NCKAP5: variants seen among roughly 807,000 people sequenced by gnomAD.
The protein encoded by NCKAP5 is nck-associated protein 5.
Under a neutral mutation model 167.0 loss-of-function variants are expected in NCKAP5, and 92 were observed. The observed-to-expected ratio is 0.55, with a 90% CI of 0.47 to 0.66. The LOEUF (loss-of-function observed/expected upper bound fraction) is 0.66. Ranked by LOEUF, NCKAP5 falls within the 30% of genes least tolerant of loss-of-function variation. The pLI is 0.00. For missense variants in NCKAP5, 2,378 were observed against 2,315.0 expected, an observed-to-expected ratio of 1.03 and a Z score of -0.56; for synonymous variants, 891 against 877.4, an observed-to-expected ratio of 1.02 and a Z score of -0.27.
rs1683033425 is a variant in NCKAP5 at position 133,506,630 on chromosome 2, C to T, written c.69+10828G>A. Among the ~76,000 whole-genome samples the T allele has an allele frequency of 3.9e-5, 6 of 152,198 alleles. No homozygotes were observed. The South Asian group carries it at 1.2e-3, about 31-fold the overall frequency. Reference sequence around the variant, plus strand: ...GTGGCATTTCCCGCCAAATGGTTCACTCCTTATAGCCACATGGTTCTATAG... The same window carrying T: ...GTGGCATTTCCCGCCAAATGGTTCATTCCTTATAGCCACATGGTTCTATAG... On this transcript the variant is annotated intron_variant, in intron 3 of 19. Coordinates refer to ENST00000409261, the MANE Select transcript of NCKAP5 (RefSeq NM_207363.3).
intron 4 of NCKAP5, chr2:133,267,381 G>C (rs1007552849): frequency 1.3e-5 from 2 of 152,214 alleles, no homozygotes; most frequent in African/African-American, 4.8e-5. Context: ...TCATGGAGCT[G>C]ACCCAGAGAC....
chr2:133,271,424 T>C (rs1043417589), intron 4 of NCKAP5, among the ~76,000 whole-genome samples: 13 of 152,148 alleles, frequency 8.5e-5, no homozygotes, highest in African/African-American at 2.9e-4. Flanking sequence ...TTTCTCCTTA[T>C]GTGATGCTGT....
At chr2:133,455,334 T>C (rs555087250) in intron 3 of NCKAP5, among the ~76,000 whole-genome samples, 6 of 152,282 alleles carry the variant, frequency 3.9e-5, no homozygotes, top group African/African-American at 1.4e-4. Flanking sequence ...AATAAAATTA[T>C]GGCTTTCCTC....
chr2:132,943,908 G>A (rs1157626844), intron 8 of NCKAP5, among the ~76,000 whole-genome samples: 2 of 152,226 alleles, frequency 1.3e-5, no homozygotes, highest in African/African-American at 4.8e-5. Context: ...CCTGGGGCTG[G>A]GTGAAGTGTG....
intron 6 of NCKAP5, among the ~76,000 whole-genome samples, chr2:133,075,889 C>T (rs1372610717): frequency 6.6e-6 from 1 of 151,912 alleles, no homozygotes; most frequent in East Asian, 1.9e-4. Flanking sequence ...AATAAATGGT[C>T]AAACTACAAT....
At chr2:133,555,953 T>A (rs1469381815) in intron 2 of NCKAP5, among the ~76,000 whole-genome samples, 2 of 152,190 alleles carry the variant, frequency 1.3e-5, no homozygotes, top group Non-Finnish European at 2.9e-5. Flanking sequence ...TGCATAAAGT[T>A]ATAATTAAAC....
At chr2:132,995,693 G>T (rs1028414116) in intron 6 of NCKAP5, among the ~76,000 whole-genome samples, 4 of 151,614 alleles carry the variant, frequency 2.6e-5, no homozygotes, top group Non-Finnish European at 4.4e-5. Context: ...AAACATTTTT[G>T]TCTGGGCACG....
chr2:132,988,302 A>C (rs1454247310), intron 7 of NCKAP5, among the ~76,000 whole-genome samples: 1 of 152,046 alleles, frequency 6.6e-6, no homozygotes, highest in Non-Finnish European at 1.5e-5. Context: ...TCTCTACTTA[A>C]ATATAAAAAA....
chr2:133,195,974 C>T lies in NCKAP5; in HGVS notation c.207+17742G>A, dbSNP rs1481569748. Among the ~76,000 whole-genome samples, 2 of 152,092 alleles carry T rather than the reference C, an allele frequency of 1.3e-5. 1 individual carries two copies. Among genetic ancestry groups the T allele is most frequent in the African/African-American group, 4.8e-5 (2 of 41,410 alleles). On this transcript the variant is annotated intron_variant, in intron 5 of 19. Coordinates refer to ENST00000409261, the MANE Select transcript of NCKAP5 (RefSeq NM_207363.3). ...AACCCAGGAATGGATTCCCCGGCCA[C>T]CCAGCACCCACAAGGAAATAAAGAG...
intron 9 of NCKAP5, among the ~76,000 whole-genome samples, chr2:132,875,494 C>T (rs1415472077): frequency 6.6e-6 from 1 of 152,186 alleles, no homozygotes; most frequent in Non-Finnish European, 1.5e-5. Context: ...CTTCTCCTGC[C>T]AGGCTGGGAG....
chr2:132,822,303 C>T lies in NCKAP5; in HGVS notation c.808-25574G>A, dbSNP rs1047363744. Among the ~76,000 whole-genome samples the T allele has an allele frequency of 3.9e-5, 6 of 152,356 alleles. No individual in the cohort carries two copies. In the South Asian group the frequency reaches 1.2e-3, roughly 32 times the overall value. On this transcript the variant is annotated intron_variant, in intron 11 of 19. Coordinates refer to ENST00000409261, the MANE Select transcript of NCKAP5 (RefSeq NM_207363.3). The stretch of plus-strand genomic sequence containing the variant: ...TAACCATGGACACTTACAGAGTCCA[C>T]TTCACTCCCCTGCCACCTCTACCAG...
Position 133,517,558 on chromosome 2 carries a change from A to T in NCKAP5, c.-32T>A. 7.1e-7 allele frequency: 1 copy of T among 1,407,736 alleles called. No homozygotes were observed. Among genetic ancestry groups the T allele is most frequent in the Non-Finnish European group, 9.6e-7 (1 of 1,039,236 alleles). 87.2% of individuals were successfully genotyped at this position (1,407,736 alleles called of 1,614,324 possible). On this transcript the variant is annotated 5_prime_UTR_variant, in exon 3 of 20. Transcript: ENST00000409261. ...AGTTATTTATTTTCTTTTGTGACTT[A>T]TAAGAATCCCCCGTCTGTTTCCAGG...
At chr2:133,615,371 C>A in the NCKAP5 span, among the ~76,000 whole-genome samples, 1 of 151,710 alleles carries the variant, frequency 6.6e-6, no homozygotes, top group Admixed American at 6.6e-5. Context: ...GATAAAGAGT[C>A]AAGACCCATC....
chr2:133,506,509 G>T (rs1020321103), intron 3 of NCKAP5, among the ~76,000 whole-genome samples: 2 of 152,158 alleles, frequency 1.3e-5, no homozygotes, highest in African/African-American at 4.8e-5. Context: ...GGCACCAACA[G>T]GGGACAAGAC....
chr2:133,636,966 C>T, the NCKAP5 span, among the ~76,000 whole-genome samples: 4 of 152,066 alleles, frequency 2.6e-5, no homozygotes, highest in East Asian at 7.7e-4. Flanking sequence ...AACAAAGCTT[C>T]TCCATCCCCC....
At chr2:133,377,550 C>T (rs1170370086) in intron 3 of NCKAP5, among the ~76,000 whole-genome samples, 2 of 152,104 alleles carry the variant, frequency 1.3e-5, no homozygotes, top group Non-Finnish European at 2.9e-5. Flanking sequence ...AAGCACCCAA[C>T]AAAAGCATTT....
chr2:133,414,764 A>G (rs772274646), intron 3 of NCKAP5, among the ~76,000 whole-genome samples: 7 of 152,190 alleles, frequency 4.6e-5, no homozygotes, highest in Non-Finnish European at 7.4e-5. Flanking sequence ...TGAAAATTAG[A>G]TTTTCCTCCC....
chr2:133,404,482 ATAAC>A (rs1191030600), intron 3 of NCKAP5, among the ~76,000 whole-genome samples: 1 of 152,180 alleles, frequency 6.6e-6, no homozygotes, highest in Non-Finnish European at 1.5e-5. Flanking sequence ...AAGATTAACG[ATAAC>A]TAATAATTAA....
chr2:132,812,017 C>T (rs1685914422), intron 11 of NCKAP5, among the ~76,000 whole-genome samples: 1 of 152,182 alleles, frequency 6.6e-6, no homozygotes, highest in South Asian at 2.1e-4. Context: ...AAGTCAGAAA[C>T]TTCTCCCACA....
Sources: gnomAD v4.1 joint callset for allele counts (sites outside exome capture counted in the v4.1 genomes callset) on GRCh38, gnomAD v4.1.1 for gene constraint, MANE v1.5 for transcripts, NCBI Gene and HGNC (gene_info 2026-07-23, HGNC 2026-07-21) for gene names.